COA1: variants seen among roughly 807,000 people sequenced by gnomAD.
The protein encoded by COA1 is cytochrome c oxidase assembly factor 1.
Under a neutral mutation model 16.0 loss-of-function variants are expected in COA1, and 13 were observed. The ratio of observed to expected loss-of-function variants is 0.81; its 90% CI spans 0.53 to 1.29. The LOEUF (loss-of-function observed/expected upper bound fraction) is 1.29. Among genes scored for constraint, COA1 ranks in the 50% most tolerant of loss-of-function variants. COA1 has a pLI of 0.00. For missense variants in COA1, 179 were observed against 177.0 expected (o/e 1.01, Z -0.06); for synonymous variants, 65 against 65.7 (o/e 0.99, Z 0.05).
intron 1 of COA1, among the ~76,000 whole-genome samples, chr7:43,681,182 C>T (rs561444797): frequency 1.5e-3 from 235 of 152,276 alleles, no homozygotes; most frequent in African/African-American, 5.4e-3. Context: ...TTGACCCATT[C>T]ATCGTATATA....
At chr7:43,675,200 G>C (rs1313806318) in intron 1 of COA1, among the ~76,000 whole-genome samples, 1 of 152,170 alleles carries the variant, frequency 6.6e-6, no homozygotes, top group Non-Finnish European at 1.5e-5. Flanking sequence ...AACAACGATA[G>C]ACTGGATTAA....
downstream of COA1, among the ~76,000 whole-genome samples, chr7:43,634,444 G>C (rs2085535811): frequency 6.6e-6 from 1 of 152,202 alleles, no homozygotes. Flanking sequence ...CTTCCCGCTA[G>C]AACACGTGGG....
chr7:43,636,483 CAG>C (rs1246884356), downstream of COA1, among the ~76,000 whole-genome samples: 1 of 152,156 alleles, frequency 6.6e-6, no homozygotes, highest in Non-Finnish European at 1.5e-5. Flanking sequence ...CTGAAAACGC[CAG>C]AGAGTCAAGT....
intron 1 of COA1, among the ~76,000 whole-genome samples, chr7:43,717,995 G>A (rs988180854): frequency 6.6e-6 from 1 of 152,198 alleles, no homozygotes; most frequent in South Asian, 2.1e-4. Context: ...ACATGAGACA[G>A]TAAGTCCAGT....
At chr7:43,712,895 T>C (rs1027038431) in intron 1 of COA1, among the ~76,000 whole-genome samples, 5 of 152,172 alleles carry the variant, frequency 3.3e-5, no homozygotes, top group Admixed American at 6.6e-5. Context: ...ACATTGTCAT[T>C]ACATATATTT....
At chr7:43,728,107 T>C (rs997391069) in intron 1 of COA1, among the ~76,000 whole-genome samples, 1 of 152,028 alleles carries the variant, frequency 6.6e-6, no homozygotes, top group African/African-American at 2.4e-5. Flanking sequence ...CCCAAGTAGC[T>C]GGGACTACAG....
At chr7:43,622,193 C>T (rs561176544) in intron 6 of COA1, 4 of 152,324 alleles carry the variant, frequency 2.6e-5, no homozygotes, top group South Asian at 2.1e-4. Context: ...GTTTCTTCCC[C>T]GGTAATTTGG....
chr7:43,700,549 C>T (rs368838555), intron 1 of COA1, among the ~76,000 whole-genome samples: 5 of 134,944 alleles, frequency 3.7e-5, no homozygotes, highest in Admixed American at 2.4e-4. Flanking sequence ...TATATATATA[C>T]ATACACGTAT....
At chr7:43,623,541 A>T in intron 6 of COA1, 1 of 1,596,474 alleles carries the variant, frequency 6.3e-7, no homozygotes, top group Non-Finnish European at 8.5e-7. Context: ...TTTCCACAAA[A>T]CTAAATGTTT....
At chr7:43,719,038 C>T (rs2095452750) in intron 1 of COA1, among the ~76,000 whole-genome samples, 1 of 150,032 alleles carries the variant, frequency 6.7e-6, no homozygotes, top group East Asian at 2.0e-4. Flanking sequence ...GTGGCGTAAT[C>T]TCAGCTCACC....
At chr7:43,653,136 C>T (rs2091138755) in intron 1 of COA1, among the ~76,000 whole-genome samples, 1 of 152,038 alleles carries the variant, frequency 6.6e-6, no homozygotes. Context: ...CGTGGTGAAA[C>T]CCCGTCTCTA....
intron 6 of COA1, chr7:43,619,532 G>A: frequency 6.4e-7 from 1 of 1,557,826 alleles, no homozygotes. Flanking sequence ...ATGTTTTATG[G>A]GCTGCATGTT....
chr7:43,640,790 C>T, intron 4 of COA1, 141 bp from the exon 5 acceptor site: 1 of 605,160 alleles, frequency 1.7e-6, no homozygotes, highest in Non-Finnish European at 2.8e-6. Flanking sequence ...TCTAACAGCC[C>T]AGCTGGAGAA....
chr7:43,614,266 C>G (rs530379514), intron 6 of COA1, among the ~76,000 whole-genome samples: 1 of 152,206 alleles, frequency 6.6e-6, no homozygotes, highest in Non-Finnish European at 1.5e-5. Context: ...CATCTATTTA[C>G]GGACCGTCTG....
intron 1 of COA1, among the ~76,000 whole-genome samples, chr7:43,700,155 C>G (rs1328120182): frequency 6.6e-6 from 1 of 151,940 alleles, no homozygotes; most frequent in Non-Finnish European, 1.5e-5. Context: ...TATTTAGCAC[C>G]ATCTAGTGGC....
intron 1 of COA1, among the ~76,000 whole-genome samples, chr7:43,710,365 A>ATATATAT (rs1337224771): frequency 9.3e-6 from 1 of 108,048 alleles, no homozygotes; most frequent in African/African-American, 3.5e-5. Flanking sequence ...AAAAAAAAAA[A>ATATATAT]AAAAAAAAAA....
intron 1 of COA1, among the ~76,000 whole-genome samples, chr7:43,696,793 G>C (rs1053006136): frequency 1.3e-5 from 2 of 152,000 alleles, no homozygotes; most frequent in African/African-American, 4.8e-5. Context: ...TACACAGGGT[G>C]CTTCAACTGT....
At chr7:43,652,798 T>C (rs1296906830) in intron 1 of COA1, among the ~76,000 whole-genome samples, 1 of 134,364 alleles carries the variant, frequency 7.4e-6, no homozygotes, top group East Asian at 2.6e-4. Context: ...TGAATGGGCA[T>C]GGCCCACTGC....
At chr7:43,615,621 C>T (rs747925053) in intron 6 of COA1, among the ~76,000 whole-genome samples, 9 of 152,158 alleles carry the variant, frequency 5.9e-5, no homozygotes, top group Admixed American at 2.6e-4. Flanking sequence ...ACGTGGCCTG[C>T]CTTCTGCCAT....
Sources: allele counts gnomAD v4.1 joint callset (sites outside exome capture counted in the v4.1 genomes callset), GRCh38; gene constraint gnomAD v4.1.1; transcripts MANE v1.5; gene names NCBI Gene and HGNC (gene_info 2026-07-23, HGNC 2026-07-21).